The following CYTH1 variants were observed in gnomAD, a reference collection of about 807,000 sequenced individuals.
CYTH1 encodes cytohesin 1, also known as cytohesin-1.
A neutral mutation model predicts 61.8 loss-of-function variants in CYTH1; 18 were observed. The ratio of observed to expected loss-of-function variants is 0.29; its 90% CI spans 0.20 to 0.43. CYTH1 has a LOEUF of 0.43. Among genes scored for constraint, CYTH1 ranks in the 20% least tolerant of loss-of-function variants. CYTH1 has a pLI of 1.00. For missense variants in CYTH1, 336 were observed against 510.5 expected (o/e 0.66, Z 3.29); for synonymous variants, 174 against 184.3 (o/e 0.94, Z 0.45).
chr17:78,760,500 T>C lies in CYTH1; in HGVS notation c.22+21702A>G, dbSNP rs1273895106. Reference sequence around the variant, plus strand: ...ATATATGTATGTATATATATATACATATATATGTATATATATGTATATATA... The same window carrying C: ...ATATATGTATGTATATATATATACACATATATGTATATATATGTATATATA... On this transcript the variant is annotated intron_variant, in intron 1 of 13. Coordinates refer to ENST00000446868, the MANE Select transcript of CYTH1 (RefSeq NM_004762.6). 1.1e-4 allele frequency among the ~76,000 whole-genome samples: 5 copies of C among 44,356 alleles called. 2 individuals are homozygous for C. The highest frequency in any genetic ancestry group is 4.8e-4 in the Admixed American group (2 of 4,154). 29.1% of individuals were successfully genotyped at this position (44,356 alleles called of 152,430 possible). A position where few individuals can be genotyped will look rare whatever the true frequency, so the allele number is the denominator to read the frequency against.
intron 1 of CYTH1, among the ~76,000 whole-genome samples, chr17:78,719,381 G>A (rs950611482): frequency 3.9e-5 from 6 of 152,210 alleles, no homozygotes; most frequent in African/African-American, 1.2e-4. Flanking sequence ...GGATAAGAAG[G>A]CAGTGCTGTG....
At chr17:78,772,469 A>G (rs530533260) in intron 1 of CYTH1, among the ~76,000 whole-genome samples, 1 of 152,332 alleles carries the variant, frequency 6.6e-6, no homozygotes, top group Non-Finnish European at 1.5e-5. Flanking sequence ...TGATTAACAC[A>G]TGGAACATTT....
chr17:78,732,787 G>A (rs984326996), intron 1 of CYTH1, among the ~76,000 whole-genome samples: 8 of 151,962 alleles, frequency 5.3e-5, no homozygotes, highest in African/African-American at 9.7e-5. Flanking sequence ...CACATGGCAC[G>A]CATTAAAACA....
At chr17:78,776,732 G>T (rs1244050314) in intron 1 of CYTH1, among the ~76,000 whole-genome samples, 1 of 150,058 alleles carries the variant, frequency 6.7e-6, no homozygotes, top group African/African-American at 2.5e-5. Flanking sequence ...TAATTTTTAC[G>T]ATTTTTTTCT....
intron 1 of CYTH1, among the ~76,000 whole-genome samples, chr17:78,760,591 ATATG>A (rs200285843): frequency 7.7e-6 from 1 of 130,658 alleles, no homozygotes; most frequent in African/African-American, 2.8e-5. Flanking sequence ...ATATGTATAT[ATATG>A]TATATATATA....
chr17:78,721,278 C>T (rs1025435595), intron 1 of CYTH1, among the ~76,000 whole-genome samples: 1 of 152,064 alleles, frequency 6.6e-6, no homozygotes, highest in African/African-American at 2.4e-5. Context: ...TGCAGTGAGC[C>T]GAGATCGGGC....
At chr17:78,734,207 A>G (rs1598894297) in intron 1 of CYTH1, among the ~76,000 whole-genome samples, 1 of 151,146 alleles carries the variant, frequency 6.6e-6, no homozygotes, top group Non-Finnish European at 1.5e-5. Flanking sequence ...CCAAGATTGC[A>G]CTCCAGCCTC....
At chr17:78,685,744 C>T (rs9911523) in intron 11 of CYTH1, among the ~76,000 whole-genome samples, 32,016 of 152,070 alleles carry the variant, frequency 0.21, 3,431 homozygotes, top group South Asian at 0.26. Context: ...AAGAAGGTTC[C>T]AAAGTGCCGC....
At position 78,680,198 on chromosome 17, in the gene CYTH1, C is replaced by T; in HGVS notation, c.1110G>A (p.Lys370=). The T allele has an allele frequency of 1.2e-6, 2 of 1,614,168 alleles. No homozygotes were observed. The highest frequency in any genetic ancestry group is 1.7e-6 in the Non-Finnish European group (2 of 1,180,006). The part of the protein sequence containing the change: ...PTPEEKEEWI[K]CIKAAISRDP... ...TCTCAGCAGTCACTTACTTAATGCA[C>T]TTAATCCACTCCTCCTTCTCCTCGG... is the stretch of plus-strand genomic sequence containing the variant. Residue 370 remains lysine (K), a synonymous_variant, in exon 13 of 14, where the codon AAG becomes AAA. Coordinates refer to ENST00000446868, the MANE Select transcript of CYTH1 (RefSeq NM_004762.6).
intron 11 of CYTH1, among the ~76,000 whole-genome samples, chr17:78,685,811 C>T (rs1219338285): frequency 1.3e-5 from 2 of 151,976 alleles, no homozygotes; most frequent in Admixed American, 6.6e-5. Flanking sequence ...TAAACAATAA[C>T]GTGGCTGGAT....
rs1052865203 is a variant in CYTH1 at position 78,767,691 on chromosome 17, T to C, written c.22+14511A>G. ...ATCCAGTGTTTTTTTCAAGCCATAA[T>C]GATTGCAGTGATAAGTGAATGGTGA... On this transcript the variant is annotated intron_variant, in intron 1 of 13. Transcript: ENST00000446868. 7.9e-5 allele frequency among the ~76,000 whole-genome samples: 12 copies of C among 151,616 alleles called. 1 individual carries two copies. The highest frequency in any genetic ancestry group is 2.4e-4 in the African/African-American group (10 of 41,272).
chr17:78,711,893 T>C (rs572436244), intron 1 of CYTH1, among the ~76,000 whole-genome samples: 3 of 151,830 alleles, frequency 2.0e-5, no homozygotes, highest in Non-Finnish European at 4.4e-5. Flanking sequence ...ATGGACAACA[T>C]GGTGAAACCC....
At chr17:78,753,143 C>G (rs575054980) in intron 1 of CYTH1, among the ~76,000 whole-genome samples, 1 of 152,200 alleles carries the variant, frequency 6.6e-6, no homozygotes, top group East Asian at 1.9e-4. Context: ...CTCATGCCAC[C>G]CCAGCACAGC....
chr17:78,752,028 G>A (rs897653266), intron 1 of CYTH1, among the ~76,000 whole-genome samples: 2 of 152,058 alleles, frequency 1.3e-5, no homozygotes, highest in Admixed American at 6.5e-5. Context: ...GAGCCACCGC[G>A]CCCGGCCTCA....
intron 11 of CYTH1, among the ~76,000 whole-genome samples, chr17:78,681,791 T>C (rs1004337219): frequency 1.2e-4 from 18 of 146,854 alleles, no homozygotes; most frequent in Non-Finnish European, 2.1e-4. Flanking sequence ...TGGGCCCAGA[T>C]AGCGCCACTG....
chr17:78,766,578 A>T (rs947083238), intron 1 of CYTH1, among the ~76,000 whole-genome samples: 1 of 152,162 alleles, frequency 6.6e-6, no homozygotes, highest in Non-Finnish European at 1.5e-5. Context: ...AAACTCCTCA[A>T]ATTTCAACCC....
chr17:78,700,255 T>C lies in CYTH1; in HGVS notation c.550+76A>G. 4 of 1,313,632 alleles carry C rather than the reference T, an allele frequency of 3.0e-6. No individual in the cohort carries two copies. Among genetic ancestry groups the C allele is most frequent in the South Asian group, 1.4e-5 (1 of 69,038 alleles). 81.4% of individuals were successfully genotyped at this position (1,313,632 alleles called of 1,614,324 possible). A position where few individuals can be genotyped will look rare whatever the true frequency, so the allele number is the denominator to read the frequency against. On this transcript the variant is annotated intron_variant, in intron 7 of 13. Coordinates refer to ENST00000446868, the MANE Select transcript of CYTH1 (RefSeq NM_004762.6). The surrounding 1 kb of genome is among the most constrained non-coding windows in gnomAD (Gnocchi z 5.1). ...GGCATGAATCTCAGCCCTTTTGTTT[T>C]AGAAATTATCTGGTGCCAAGAAAAT... is the stretch of plus-strand genomic sequence containing the variant.
chr17:78,708,092 A>G, intron 3 of CYTH1, 105 bp downstream of exon 3: 1 of 1,159,740 alleles, frequency 8.6e-7, no homozygotes, highest in Non-Finnish European at 1.3e-6. Context: ...TTAGAAAGAC[A>G]CAAAGCTGAC....
chr17:78,701,802 C>T, intron 5 of CYTH1, 51 bp from the exon 6 acceptor site: 1 of 1,574,270 alleles, frequency 6.4e-7, no homozygotes, highest in African/African-American at 1.3e-5. Context: ...CAGGCACCAA[C>T]ACTGAGAATC....
Sources: gnomAD v4.1 joint callset for allele counts (sites outside exome capture counted in the v4.1 genomes callset) on GRCh38, gnomAD v4.1.1 for gene constraint, Gnocchi (gnomAD v3.1) non-coding constraint, MANE v1.5 for transcripts, NCBI Gene and HGNC (gene_info 2026-07-23, HGNC 2026-07-21) for gene names.